The following PDZRN3 variants were observed in gnomAD, a reference collection of about 807,000 sequenced individuals.
PDZRN3 encodes PDZ domain containing ring finger 3.
A neutral mutation model predicts 85.7 loss-of-function variants in PDZRN3; 38 were observed. The observed-to-expected ratio is 0.44, with a 90% CI of 0.34 to 0.58. PDZRN3 has a LOEUF of 0.58. Among genes scored for constraint, PDZRN3 ranks in the 20% least tolerant of loss-of-function variants. The pLI is 0.01. For missense variants in PDZRN3, 1,629 were observed against 1,506.4 expected (o/e 1.08, Z -1.35); for synonymous variants, 759 against 638.0 (o/e 1.19, Z -2.86).
At chr3:73,442,904 G>A (rs1575657508) in intron 3 of PDZRN3, among the ~76,000 whole-genome samples, 1 of 152,222 alleles carries the variant, frequency 6.6e-6, no homozygotes, top group East Asian at 1.9e-4. Flanking sequence ...CTGTGGTGTT[G>A]TTTATAAAGG....
rs1425510102 is a variant in PDZRN3 at position 73,384,006 on chromosome 3, T to G, written c.2560A>C (p.Lys854Gln). Residue 854 changes from lysine (K) to glutamine (Q), a missense_variant, in exon 10 of 10, where the codon AAG becomes CAG. Transcript: ENST00000263666. ...GAGGGCAGGTAGGCGCTGCCCAGCT[T>G]CTGGCTGGGCGTGGGGCTCCGGCTC... ...DGSRSPTPSQKLGSAYLPSYH... is the reference protein window; with the variant it reads ...DGSRSPTPSQQLGSAYLPSYH... 1.9e-6 allele frequency: 3 copies of G among 1,590,064 alleles called. No homozygotes were observed. The highest frequency in any genetic ancestry group is 2.6e-6 in the Non-Finnish European group (3 of 1,170,254).
chr3:73,580,566 A>T (rs899491230), intron 3 of PDZRN3, among the ~76,000 whole-genome samples: 26 of 152,206 alleles, frequency 1.7e-4, no homozygotes, highest in African/African-American at 6.3e-4. Flanking sequence ...GTCACCAGGC[A>T]CTATAGGCAC....
chr3:73,531,518 C>G (rs928905998), intron 3 of PDZRN3, among the ~76,000 whole-genome samples: 5 of 152,126 alleles, frequency 3.3e-5, no homozygotes, highest in African/African-American at 1.2e-4. Flanking sequence ...AGTGGCTGAT[C>G]TTTCTGCCTG....
At chr3:73,458,257 G>T (rs529561136) in intron 3 of PDZRN3, among the ~76,000 whole-genome samples, 1 of 151,890 alleles carries the variant, frequency 6.6e-6, no homozygotes, top group South Asian at 2.1e-4. Flanking sequence ...TTCATGAGTG[G>T]ATTCTGCTCG....
At chr3:73,550,133 A>G (rs1211174429) in intron 3 of PDZRN3, among the ~76,000 whole-genome samples, 4 of 152,216 alleles carry the variant, frequency 2.6e-5, no homozygotes, top group Non-Finnish European at 5.9e-5. Flanking sequence ...AAATCTTACA[A>G]AGCTACTGGA....
chr3:73,442,697 ATT>A lies in PDZRN3; in HGVS notation c.919-38304_919-38303del, dbSNP rs56095919. Among the ~76,000 whole-genome samples the A allele has an allele frequency of 3.6e-3, 521 of 146,684 alleles. 3 individuals carry two copies. The highest frequency in any genetic ancestry group is 0.013 in the African/African-American group (500 of 39,992). Reference sequence around the variant, plus strand: ...GCAGCAGTCGTCTGAAAATGTGTGGATTTTTTTTTTTTTTACATCTTTTGAAA... The same window carrying A: ...GCAGCAGTCGTCTGAAAATGTGTGGATTTTTTTTTTTTACATCTTTTGAAA... On this transcript the variant is annotated intron_variant, in intron 3 of 9. Coordinates refer to ENST00000263666, the MANE Select transcript of PDZRN3 (RefSeq NM_015009.3).
chr3:73,524,723 A>C (rs1704480599), intron 3 of PDZRN3, among the ~76,000 whole-genome samples: 1 of 152,212 alleles, frequency 6.6e-6, no homozygotes. Flanking sequence ...AGTTTAATTA[A>C]TTTCGATTTA....
chr3:73,467,335 A>AT (rs1156950964), intron 3 of PDZRN3, among the ~76,000 whole-genome samples: 2 of 152,164 alleles, frequency 1.3e-5, no homozygotes, highest in Admixed American at 6.5e-5. Context: ...GGCAAAGCCA[A>AT]TTTTTTTGTT....
intron 3 of PDZRN3, among the ~76,000 whole-genome samples, chr3:73,551,187 AT>A (rs1427770782): frequency 4.6e-5 from 7 of 152,178 alleles, no homozygotes; most frequent in Non-Finnish European, 1.0e-4. Flanking sequence ...GTTGTGGCTT[AT>A]TAAGAAAATG....
chr3:73,396,349 G>A (rs1205570181), intron 5 of PDZRN3, among the ~76,000 whole-genome samples: 1 of 152,198 alleles, frequency 6.6e-6, no homozygotes, highest in South Asian at 2.1e-4. Context: ...GCACTGCCAC[G>A]CAGGCCGAGG....
intron 3 of PDZRN3, among the ~76,000 whole-genome samples, chr3:73,441,533 T>A (rs755928142): frequency 6.6e-6 from 1 of 152,046 alleles, no homozygotes; most frequent in African/African-American, 2.4e-5. Flanking sequence ...CAGACTGAGC[T>A]AAGAGTTCTT....
At chr3:73,572,383 G>A (rs1702057119) in intron 3 of PDZRN3, among the ~76,000 whole-genome samples, 1 of 152,144 alleles carries the variant, frequency 6.6e-6, no homozygotes, top group Non-Finnish European at 1.5e-5. Context: ...TTCTATTCCA[G>A]TATACTCTAA....
chr3:73,452,263 G>A (rs148179756), intron 3 of PDZRN3, among the ~76,000 whole-genome samples: 67 of 152,178 alleles, frequency 4.4e-4, no homozygotes, highest in African/African-American at 1.6e-3. Context: ...AAGGTGGTAG[G>A]TTAGTAGCAC....
intron 3 of PDZRN3, among the ~76,000 whole-genome samples, chr3:73,453,457 C>T (rs1039782722): frequency 4.2e-4 from 63 of 148,748 alleles, no homozygotes; most frequent in East Asian, 3.9e-4. Flanking sequence ...AGAAAGAATT[C>T]GCTGTTAATT....
intron 3 of PDZRN3, among the ~76,000 whole-genome samples, chr3:73,459,151 C>A (rs1703050905): frequency 6.6e-6 from 1 of 152,024 alleles, no homozygotes; most frequent in African/African-American, 2.4e-5. Context: ...AGGGAAAATG[C>A]CAGTTGCTTA....
At chr3:73,541,665 A>AT (rs1553700547) in intron 3 of PDZRN3, among the ~76,000 whole-genome samples, 3 of 152,136 alleles carry the variant, frequency 2.0e-5, no homozygotes, top group Non-Finnish European at 2.9e-5. Flanking sequence ...TTCTATAGCA[A>AT]TTTTTTTGAA....
chr3:73,482,543 T>A (rs1366948324), intron 3 of PDZRN3, among the ~76,000 whole-genome samples: 2 of 152,228 alleles, frequency 1.3e-5, no homozygotes, highest in Admixed American at 1.3e-4. Context: ...TTGTTATTAT[T>A]GTATTTGTTT....
At chr3:73,551,302 C>G (rs1223991800) in intron 3 of PDZRN3, among the ~76,000 whole-genome samples, 1 of 152,124 alleles carries the variant, frequency 6.6e-6, no homozygotes, top group African/African-American at 2.4e-5. Flanking sequence ...AGGAGGGAAC[C>G]AAGAAAAGTC....
At chr3:73,389,400 T>G (rs1347605351) in intron 7 of PDZRN3, among the ~76,000 whole-genome samples, 1 of 152,198 alleles carries the variant, frequency 6.6e-6, no homozygotes, top group African/African-American at 2.4e-5. Flanking sequence ...GTTCCCCTTT[T>G]ATGGACGAGC....
Sources: gnomAD v4.1 joint callset for allele counts (sites outside exome capture counted in the v4.1 genomes callset) on GRCh38, gnomAD v4.1.1 for gene constraint, MANE v1.5 for transcripts, NCBI Gene and HGNC (gene_info 2026-07-23, HGNC 2026-07-21) for gene names.